MAP7D2: variants seen among roughly 807,000 people sequenced by gnomAD.
MAP7D2 encodes MAP7 domain-containing protein 2.
A neutral mutation model predicts 63.5 loss-of-function variants in MAP7D2; 33 were observed. The ratio of observed to expected loss-of-function variants is 0.52; its 90% CI spans 0.39 to 0.70. The LOEUF (loss-of-function observed/expected upper bound fraction) is 0.70, where lower values mean the gene tolerates loss of function less well. Ranked by LOEUF, MAP7D2 falls within the 30% of genes least tolerant of loss-of-function variation. The pLI is 0.00. For missense variants in MAP7D2, 626 were observed against 604.0 expected (o/e 1.04, Z -0.38); for synonymous variants, 224 against 223.7 (o/e 1.00, Z -0.01).
intron 1 of MAP7D2, among the ~76,000 whole-genome samples, chrX:20,097,707 G>T (rs921144966): frequency 1.8e-5 from 2 of 111,663 alleles, no homozygotes. Flanking sequence ...TTTCTATGCA[G>T]AAACTGAAGA....
intron 8 of MAP7D2, among the ~76,000 whole-genome samples, chrX:20,028,814 A>C (rs966529304): frequency 2.7e-5 from 3 of 112,168 alleles, no homozygotes; most frequent in Admixed American, 1.9e-4. Context: ...CAGGGAGTGG[A>C]TTTGAAACTT....
chrX:20,115,140 A>C (rs774707662), intron 1 of MAP7D2, among the ~76,000 whole-genome samples: 37 of 110,310 alleles, frequency 3.4e-4, no homozygotes, highest in Non-Finnish European at 6.1e-4. Flanking sequence ...TTAATATCAG[A>C]AGAGTGCATT....
chrX:20,059,093 CA>C (rs2065135392), intron 3 of MAP7D2, among the ~76,000 whole-genome samples: 1 of 112,200 alleles, frequency 8.9e-6, no homozygotes, highest in South Asian at 3.8e-4. Context: ...ATCACCAGAT[CA>C]CTCTAAGTCT....
At chrX:20,034,239 A>C (rs1312567542) in intron 8 of MAP7D2, among the ~76,000 whole-genome samples, 3 of 105,465 alleles carry the variant, frequency 2.8e-5, no homozygotes, top group East Asian at 3.0e-4. Context: ...AAAAAAAAAA[A>C]AAAAAAAAAA....
intron 16 of MAP7D2, among the ~76,000 whole-genome samples, chrX:20,009,663 C>CAAAAAAAAAAAA (rs35018861): frequency 5.6e-5 from 1 of 17,736 alleles, no homozygotes. Flanking sequence ...GATTCCATCT[C>CAAAAAAAAAAAA]AAAAAAAAAA....
At chrX:20,104,164 T>C (rs1287394254) in intron 1 of MAP7D2, among the ~76,000 whole-genome samples, 2 of 112,315 alleles carry the variant, frequency 1.8e-5, no homozygotes, top group Non-Finnish European at 3.8e-5. Flanking sequence ...GCAATTATTC[T>C]TCAGAAAAAA....
rs2073822547 is a variant in MAP7D2, at chrX:20,025,782, G to A, written c.1178C>T (p.Ala393Val). Residue 393 changes from alanine (A) to valine (V), a missense_variant, in exon 9 of 17, where the codon GCT becomes GTT. By Grantham distance (64) the Ala-to-Val change is moderately conservative. Coordinates refer to ENST00000379643, the MANE Select transcript of MAP7D2 (RefSeq NM_001168465.2). Reference sequence around the variant, plus strand: ...TAGGGCTTCCTCTCCTTGCGGGCCAGCAGCCTGCTGAGCCAAGGTACCTTC... The same window carrying A: ...TAGGGCTTCCTCTCCTTGCGGGCCAACAGCCTGCTGAGCCAAGGTACCTTC... ...EREGTLAQQA[A>V]GPQGEEALEK... The A allele has an allele frequency of 1.7e-6, 2 of 1,211,815 alleles. No individual in the cohort carries two copies. The highest frequency in any genetic ancestry group is 2.2e-6 in the Non-Finnish European group (2 of 895,500).
At chrX:20,094,176 TAGGACCAGAACCAGAGA>T (rs2066144314) in intron 1 of MAP7D2, among the ~76,000 whole-genome samples, 1 of 109,356 alleles carries the variant, frequency 9.1e-6, no homozygotes, top group Non-Finnish European at 1.9e-5. Flanking sequence ...CTTCAGAATT[TAGGACCAGAACCAGAGA>T]AGGAACAGAA....
intron 1 of MAP7D2, among the ~76,000 whole-genome samples, chrX:20,088,773 T>G (rs1255110214): frequency 9.0e-6 from 1 of 111,201 alleles, no homozygotes; most frequent in East Asian, 2.8e-4. Context: ...AATTTGAGCT[T>G]CTTGTGTTCT....
At chrX:20,096,633 GTTA>G (rs2066278951) in intron 1 of MAP7D2, among the ~76,000 whole-genome samples, 1 of 109,998 alleles carries the variant, frequency 9.1e-6, no homozygotes. Flanking sequence ...GGAAAGGGAA[GTTA>G]TTATTTAGTG....
At chrX:20,060,024 T>A in intron 3 of MAP7D2, among the ~76,000 whole-genome samples, 1 of 101,347 alleles carries the variant, frequency 9.9e-6, no homozygotes, top group Non-Finnish European at 2.0e-5. Flanking sequence ...ATATGTGTTC[T>A]TTTTTTTTTT....
chrX:20,108,701 A>G (rs982071921), intron 1 of MAP7D2, among the ~76,000 whole-genome samples: 28 of 108,463 alleles, frequency 2.6e-4, no homozygotes, highest in African/African-American at 9.5e-4. Flanking sequence ...ATACTGGTCA[A>G]CAGCAGATTG....
rs767306110 is a variant in MAP7D2 at position 20,042,592 on chromosome X, G to C, written c.917C>G (p.Ser306Cys). ...GGACCCGAAGTTCACAACAGGAAGA[G>C]AAGTTGCTGTTCGTTGCCCCCGCTT... ...KVKRGQRTAT[S>C]LPVVNFGSPL... The change falls in exon 8 of 17, where the codon TCT (serine) becomes TGT (cysteine). Residue 306 changes from serine to cysteine, a missense_variant. By Grantham distance (112) the Ser-to-Cys change is moderately radical. Transcript: ENST00000379643. 3 of 1,211,672 alleles carry C rather than the reference G, an allele frequency of 2.5e-6. No homozygotes were observed. Among genetic ancestry groups the C allele is most frequent in the Admixed American group, 4.3e-5 (2 of 46,059 alleles).
chrX:20,100,650 G>C (rs1373716842), intron 1 of MAP7D2, among the ~76,000 whole-genome samples: 3 of 110,423 alleles, frequency 2.7e-5, no homozygotes, highest in Non-Finnish European at 3.8e-5. Flanking sequence ...GAGAGAAAGA[G>C]ATTGGAAGAT....
intron 8 of MAP7D2, among the ~76,000 whole-genome samples, chrX:20,036,416 G>A (rs949442695): frequency 8.6e-5 from 9 of 104,232 alleles, no homozygotes; most frequent in Non-Finnish European, 1.4e-4. Flanking sequence ...CTAATTTTTT[G>A]TATTTTTTGT....
At chrX:20,087,706 T>C (rs772248619) in intron 1 of MAP7D2, among the ~76,000 whole-genome samples, 48 of 111,319 alleles carry the variant, frequency 4.3e-4, no homozygotes, top group Admixed American at 1.5e-3. Context: ...TTCAGACACA[T>C]GTGACTATTA....
intron 8 of MAP7D2, among the ~76,000 whole-genome samples, chrX:20,028,923 G>A (rs2073959534): frequency 8.9e-6 from 1 of 112,083 alleles, no homozygotes; most frequent in African/African-American, 3.2e-5. Context: ...CTGTTGAGGA[G>A]GACTTTCTGG....
At chrX:20,037,516 C>T (rs1004637731) in intron 8 of MAP7D2, among the ~76,000 whole-genome samples, 3 of 111,792 alleles carry the variant, frequency 2.7e-5, no homozygotes, top group African/African-American at 9.8e-5. Flanking sequence ...CAGGCACCAC[C>T]TGAAAGTGGA....
chrX:20,045,567 A>C (rs918103709), intron 6 of MAP7D2, among the ~76,000 whole-genome samples: 24 of 108,084 alleles, frequency 2.2e-4, no homozygotes, highest in Non-Finnish European at 3.8e-4. Context: ...AGAAAGAAAA[A>C]ATAAGTCACA....
Sources: allele counts gnomAD v4.1 joint callset (sites outside exome capture counted in the v4.1 genomes callset), GRCh38; gene constraint gnomAD v4.1.1; transcripts MANE v1.5; gene names NCBI Gene and HGNC (gene_info 2026-07-23, HGNC 2026-07-21).